The following PPP1R1C variants were observed in gnomAD, a reference collection of about 807,000 sequenced individuals.
PPP1R1C encodes the protein protein phosphatase 1 regulatory subunit 1C.
PPP1R1C carries 15 observed loss-of-function variants against 17.4 expected under a neutral mutation model. The observed-to-expected ratio is 0.86, with a 90% CI of 0.58 to 1.33. The LOEUF (loss-of-function observed/expected upper bound fraction) is 1.33. Ranked by LOEUF, PPP1R1C falls within the 40% of genes most tolerant of loss-of-function variation. The pLI is 0.00. For missense variants in PPP1R1C, 143 were observed against 130.0 expected (o/e 1.10, Z -0.48); for synonymous variants, 35 against 43.1 (o/e 0.81, Z 0.73).
chr2:182,002,407 C>T lies in PPP1R1C; in HGVS notation c.142+14508C>T, dbSNP rs543263846. ...ATTGAGAAGGAATAAAAAACGATTA[C>T]CTGCTCCAAATTTTATACTCTAAGA... On this transcript the variant is annotated intron_variant, in intron 2 of 4. Coordinates refer to ENST00000682840, the MANE Select transcript of PPP1R1C (RefSeq NM_001080545.3). Among the ~76,000 whole-genome samples the T allele has an allele frequency of 3.3e-5, 5 of 152,082 alleles. No individual in the cohort carries two copies. The East Asian group carries it at 5.8e-4, about 18-fold the overall frequency.
chr2:182,117,186 G>A (rs1300321974), intron 4 of PPP1R1C, 21 bp from the exon 5 acceptor site: 11 of 1,461,038 alleles, frequency 7.5e-6, no homozygotes, highest in Non-Finnish European at 1.0e-5. Flanking sequence ...TTTAAATTTT[G>A]CATAATTTTT....
upstream of PPP1R1C, among the ~76,000 whole-genome samples, chr2:181,980,950 A>G (rs572256193): frequency 1.3e-3 from 190 of 141,186 alleles, 1 homozygote; most frequent in Non-Finnish European, 2.4e-3. Context: ...TTTTTTTGAG[A>G]CGGAGTCTCG....
In PPP1R1C at chr2:182,013,381, C is replaced by T. The variant is rs373490307; in HGVS notation, c.142+25482C>T. On this transcript the variant is annotated intron_variant, in intron 2 of 4. Transcript: ENST00000682840. Reference sequence around the variant, plus strand: ...ACTCTCTCCTGGCCTGTAAGGTTTCCATTGAGAAGTCTGCTGCCAGATATA... The same window carrying T: ...ACTCTCTCCTGGCCTGTAAGGTTTCTATTGAGAAGTCTGCTGCCAGATATA... Among the ~76,000 whole-genome samples the T allele has an allele frequency of 2.4e-4, 37 of 152,200 alleles. No individual in the cohort carries two copies. The East Asian group carries it at 3.5e-3, about 14-fold the overall frequency.
At chr2:181,958,721 A>C (rs1252030246) in intron 1 of PPP1R1C, among the ~76,000 whole-genome samples, 1 of 152,226 alleles carries the variant, frequency 6.6e-6, no homozygotes. Flanking sequence ...GCCTTATGTA[A>C]ATAAATCATA....
chr2:181,994,100 G>A (rs963614130), intron 2 of PPP1R1C, among the ~76,000 whole-genome samples: 1 of 152,042 alleles, frequency 6.6e-6, no homozygotes, highest in African/African-American at 2.4e-5. Context: ...CTATATTGTA[G>A]TGTTGGTTTA....
rs1264758713 is a variant in PPP1R1C at position 182,063,714 on chromosome 2, T to C, written c.181-17T>C. The C allele has an allele frequency of 6.2e-7, 1 of 1,608,768 alleles. No homozygotes were observed. Among genetic ancestry groups the C allele is most frequent in the Non-Finnish European group, 8.5e-7 (1 of 1,175,468 alleles). On this transcript the variant is annotated splice_polypyrimidine_tract_variant and intron_variant, in intron 3 of 4. Coordinates refer to ENST00000682840, the MANE Select transcript of PPP1R1C (RefSeq NM_001080545.3). ...TATCCAAATCTAAGGCTTTTACTTT[T>C]TTCTCTTTCTCCACAGTTACAGAAT...
At chr2:182,125,104 T>A (rs567724370) in intron 5 of PPP1R1C, among the ~76,000 whole-genome samples, 1 of 152,224 alleles carries the variant, frequency 6.6e-6, no homozygotes, top group South Asian at 2.1e-4. Flanking sequence ...GTTTTTAGCA[T>A]GAAGGAGTGT....
chr2:181,957,943 G>C lies in PPP1R1C; in HGVS notation n.111+3309G>C, dbSNP rs938622155. 6.6e-6 allele frequency among the ~76,000 whole-genome samples: 1 copy of C among 152,158 alleles called. No individual in the cohort carries two copies. Among genetic ancestry groups the C allele is most frequent in the Non-Finnish European group, 1.5e-5 (1 of 68,038 alleles). On this transcript the variant is annotated intron_variant and non_coding_transcript_variant, in intron 1 of 5. Coordinates refer to the PPP1R1C transcript ENST00000464264. The surrounding 1 kb of genome is among the most constrained non-coding windows in gnomAD (Gnocchi z 4.2). ...ACTCATTTAATTAATGGAAGGCTTC[G>C]AAGGCTTAATTCCTAAGAGGGACTG...
rs1390690305 is a variant in PPP1R1C, at chr2:181,957,660, A to G, written n.111+3026A>G. Among the ~76,000 whole-genome samples, 1 of 152,152 alleles carries G rather than the reference A, an allele frequency of 6.6e-6. No homozygotes were observed. The highest frequency in any genetic ancestry group is 2.4e-5 in the African/African-American group (1 of 41,440). Reference sequence around the variant, plus strand: ...TTCTTTATTTTCTTCTTATACCCAAATAATCAAAATCTGATAATTCCCATT... The same window carrying G: ...TTCTTTATTTTCTTCTTATACCCAAGTAATCAAAATCTGATAATTCCCATT... On this transcript the variant is annotated intron_variant and non_coding_transcript_variant, in intron 1 of 5. Transcript: ENST00000464264. This position sits in a 1 kb window ranked among gnomAD's most constrained non-coding sequence, Gnocchi z 4.2.
intron 1 of PPP1R1C, among the ~76,000 whole-genome samples, chr2:181,958,149 G>T (rs937089455): frequency 6.6e-6 from 1 of 152,150 alleles, no homozygotes; most frequent in African/African-American, 2.4e-5. Context: ...AAATCAGCAG[G>T]GGGGCTTAAT....
intron 4 of PPP1R1C, among the ~76,000 whole-genome samples, chr2:182,100,975 G>T (rs937955712): frequency 1.3e-5 from 2 of 152,150 alleles, no homozygotes; most frequent in Non-Finnish European, 2.9e-5. Flanking sequence ...AGCGGTTCCT[G>T]AAAGAAGGGG....
intron 2 of PPP1R1C, among the ~76,000 whole-genome samples, chr2:182,046,002 C>G (rs908026157): frequency 1.4e-4 from 21 of 152,052 alleles, no homozygotes; most frequent in Non-Finnish European, 3.1e-4. Context: ...CCTTAATATA[C>G]ATATGCATAG....
chr2:182,018,067 T>G (rs902129919), intron 2 of PPP1R1C, among the ~76,000 whole-genome samples: 2 of 152,172 alleles, frequency 1.3e-5, no homozygotes, highest in African/African-American at 2.4e-5. Flanking sequence ...TTCCTTCAAA[T>G]TTTATATTTG....
downstream of PPP1R1C, among the ~76,000 whole-genome samples, chr2:182,120,600 A>G (rs1689711033): frequency 6.6e-6 from 1 of 152,154 alleles, no homozygotes; most frequent in Non-Finnish European, 1.5e-5. Context: ...TAAGGCCCTT[A>G]TTTATTTTAA....
rs561708395 is a variant in PPP1R1C, at chr2:181,978,816, T to C, written n.157+3552T>C. 3.0e-4 allele frequency among the ~76,000 whole-genome samples: 45 copies of C among 152,262 alleles called. 1 individual carries two copies. The highest frequency in any genetic ancestry group is 9.9e-4 in the African/African-American group (41 of 41,544). On this transcript the variant is annotated intron_variant and non_coding_transcript_variant, in intron 2 of 5. Transcript: ENST00000464264. ...TGGTGGGAGAATAGTAAGGGCCATT[T>C]CAGAAAAATATGGGGAATGAGAGAG...
intron 2 of PPP1R1C, among the ~76,000 whole-genome samples, chr2:182,017,673 C>T (rs1005106718): frequency 1.3e-5 from 2 of 152,028 alleles, no homozygotes; most frequent in African/African-American, 4.8e-5. Flanking sequence ...ACAATTTATT[C>T]TGTGAGTTTG....
chr2:182,052,074 C>G (rs2701669), intron 2 of PPP1R1C, among the ~76,000 whole-genome samples: 6,503 of 151,844 alleles, frequency 0.043, 422 homozygotes, highest in Admixed American at 0.18. Flanking sequence ...AGCATCAATT[C>G]TAGATTGATG....
intron 2 of PPP1R1C, among the ~76,000 whole-genome samples, 181 bp downstream of exon 2, chr2:181,988,080 C>A (rs557932845): frequency 1.3e-5 from 2 of 152,204 alleles, no homozygotes; most frequent in African/African-American, 4.8e-5. Context: ...GGAATAATCT[C>A]AAGCCACAGC....
chr2:182,128,200 T>G (rs1689921983), intron 5 of PPP1R1C, among the ~76,000 whole-genome samples: 1 of 152,132 alleles, frequency 6.6e-6, no homozygotes, highest in African/African-American at 2.4e-5. Context: ...TTTTAGTGTT[T>G]GAAGGCAGTC....
Sources: allele counts gnomAD v4.1 joint callset (sites outside exome capture counted in the v4.1 genomes callset), GRCh38; gene constraint gnomAD v4.1.1; non-coding constraint Gnocchi (gnomAD v3.1); transcripts MANE v1.5; gene names NCBI Gene and HGNC (gene_info 2026-07-23, HGNC 2026-07-21).